Variants in STAT5B observed in about 807,000 individuals in gnomAD.
The protein encoded by STAT5B is transcription factor STAT5B.
Under a neutral mutation model 107.8 loss-of-function variants are expected in STAT5B, and 21 were observed. That is an observed-to-expected ratio of 0.19 (90% CI 0.14 to 0.28). The LOEUF (loss-of-function observed/expected upper bound fraction) is 0.28, where lower values mean the gene tolerates loss of function less well. Among genes scored for constraint, STAT5B ranks in the 10% least tolerant of loss-of-function variants. The pLI is 1.00. For synonymous variants in STAT5B, 325 were observed against 401.7 expected, an observed-to-expected ratio of 0.81 and a Z score of 2.28; for missense variants, 565 against 1,008.2, an observed-to-expected ratio of 0.56 and a Z score of 5.95.
chr17:42,279,755 C>T (rs1270297213), upstream of STAT5B, among the ~76,000 whole-genome samples: 1 of 150,920 alleles, frequency 6.6e-6, no homozygotes, highest in Non-Finnish European at 1.5e-5. Flanking sequence ...GAGCCAAAAT[C>T]ACACCATTGC....
At chr17:42,230,848 G>C (rs2080311925) in intron 2 of STAT5B, among the ~76,000 whole-genome samples, 1 of 152,036 alleles carries the variant, frequency 6.6e-6, no homozygotes, top group African/African-American at 2.4e-5. Flanking sequence ...TTTCAGTAGA[G>C]ATGGGATTTT....
intron 16 of STAT5B, among the ~76,000 whole-genome samples, chr17:42,203,578 A>C (rs2080062919): frequency 6.6e-6 from 1 of 152,166 alleles, no homozygotes; most frequent in Non-Finnish European, 1.5e-5. Flanking sequence ...AACTGCCAGG[A>C]AAAGAAATGA....
intron 13 of STAT5B, among the ~76,000 whole-genome samples, chr17:42,211,277 G>A (rs1263204585): frequency 6.6e-6 from 1 of 152,054 alleles, no homozygotes; most frequent in Non-Finnish European, 1.5e-5. Flanking sequence ...GGAGGCCGAG[G>A]CGGGCAGATC....
chr17:42,223,375 G>T lies in STAT5B; in HGVS notation c.550+7C>A, dbSNP rs771507023. On this transcript the variant is annotated splice_region_variant and intron_variant, in intron 5 of 18. Coordinates refer to ENST00000293328, the MANE Select transcript of STAT5B (RefSeq NM_012448.4). ...AAGTTGCACAATGTGCCTCCACCGC[G>T]CCTCACCTTGGATCCTCAGGCTCTC... 6.8e-5 allele frequency: 109 copies of T among 1,614,018 alleles called. No homozygotes were observed. Among genetic ancestry groups the T allele is most frequent in the Non-Finnish European group, 8.6e-5 (101 of 1,180,042 alleles).
At position 42,217,830 on chromosome 17, in the gene STAT5B, T is replaced by C. The variant is rs921914607; in HGVS notation, c.1169+321A>G. 21 of 437,952 alleles carry C rather than the reference T, an allele frequency of 4.8e-5. No homozygotes were observed. In the Admixed American group the frequency reaches 5.3e-4, roughly 11 times the overall value. The allele number at this position is 437,952 out of a possible 1,614,324, so 27.1% of individuals were successfully genotyped here. ...AGGGATTCTCCTGCCTCAGGCTCTC[T>C]AGTGGCTGGGATTACAGGTGCCTGC... On this transcript the variant is annotated intron_variant, in intron 9 of 18. Coordinates refer to ENST00000293328, the MANE Select transcript of STAT5B (RefSeq NM_012448.4).
intron 1 of STAT5B, among the ~76,000 whole-genome samples, chr17:42,258,026 C>T (rs1387092578): frequency 1.3e-5 from 2 of 152,130 alleles, no homozygotes; most frequent in Admixed American, 1.3e-4. Flanking sequence ...ACTTTGTGTC[C>T]GCTCTTTAAT....
intron 1 of STAT5B, among the ~76,000 whole-genome samples, chr17:42,266,568 A>G (rs1028845796): frequency 6.6e-6 from 1 of 151,034 alleles, no homozygotes; most frequent in Non-Finnish European, 1.5e-5. Context: ...AAAAAAAATC[A>G]TTCCCTTAAA....
the STAT5B span, among the ~76,000 whole-genome samples, chr17:42,284,827 A>G: frequency 6.6e-6 from 1 of 152,220 alleles, no homozygotes; most frequent in Admixed American, 6.5e-5. Context: ...TCCTGGTGCC[A>G]TCTGTGCACT....
rs371149930 is a variant in STAT5B at position 42,265,377 on chromosome 17, C to CTTTTT, written c.-11+10866_-11+10870dup. The stretch of plus-strand genomic sequence containing the variant: ...GCTAAGTCAAAGGGTATGTACTCTT[C>CTTTTT]TTTTTTTTTTTTGAGACGAAGTCTC... On this transcript the variant is annotated intron_variant, in intron 1 of 18. Coordinates refer to ENST00000293328, the MANE Select transcript of STAT5B (RefSeq NM_012448.4). Among the ~76,000 whole-genome samples, 52 of 110,600 alleles carry CTTTTT rather than the reference C, an allele frequency of 4.7e-4. 10 individuals carry two copies. In the South Asian group the frequency reaches 7.1e-3, roughly 15 times the overall value. The allele number at this position is 110,600 out of a possible 152,430, so 72.6% of individuals were successfully genotyped here. A position where few individuals can be genotyped will look rare whatever the true frequency, so the allele number is the denominator to read the frequency against.
intron 3 of STAT5B, among the ~76,000 whole-genome samples, chr17:42,225,815 C>T (rs1161596731): frequency 6.6e-6 from 1 of 152,132 alleles, no homozygotes; most frequent in Non-Finnish European, 1.5e-5. Context: ...TGGACATGGA[C>T]AGCCAACTAT....
At chr17:42,282,689 T>C in the STAT5B span, among the ~76,000 whole-genome samples, 1 of 152,260 alleles carries the variant, frequency 6.6e-6, no homozygotes. Flanking sequence ...GCTATTTCTT[T>C]ACAAGTGAGG....
chr17:42,248,854 T>A (rs2080474925), intron 1 of STAT5B, among the ~76,000 whole-genome samples: 1 of 152,256 alleles, frequency 6.6e-6, no homozygotes, highest in Non-Finnish European at 1.5e-5. Flanking sequence ...CTCCTGCTTC[T>A]GCAGCTAGTA....
intron 1 of STAT5B, among the ~76,000 whole-genome samples, chr17:42,261,480 A>C (rs2080596240): frequency 6.6e-6 from 1 of 152,246 alleles, no homozygotes; most frequent in Non-Finnish European, 1.5e-5. Context: ...AACTGGCTTA[A>C]AATAAAATTC....
At position 42,246,085 on chromosome 17, in the gene STAT5B, G is replaced by A. The variant is rs1012078624; in HGVS notation, c.-10-13948C>T. ...TAAACAGTTGTTACATTTAGGTGAA[G>A]GGGCTTTTTGGTACAATTTTTGTAA... On this transcript the variant is annotated intron_variant, in intron 1 of 18. Transcript: ENST00000293328. Among the ~76,000 whole-genome samples, 6 of 152,222 alleles carry A rather than the reference G, an allele frequency of 3.9e-5. No individual in the cohort carries two copies. The South Asian group carries it at 6.2e-4, about 16-fold the overall frequency.
rs926573130 is a variant in STAT5B, at chr17:42,265,204, T to G, written c.-11+11044A>C. ...GTTTCTTTTGCTGTGCAGAAGCTCT[T>G]TAGTCTAATTAGATCCCATTTGTCA... On this transcript the variant is annotated intron_variant, in intron 1 of 18. Coordinates refer to ENST00000293328, the MANE Select transcript of STAT5B (RefSeq NM_012448.4). Among the ~76,000 whole-genome samples the G allele has an allele frequency of 4.0e-4, 60 of 151,658 alleles. 1 individual carries two copies. The highest frequency in any genetic ancestry group is 8.8e-5 in the Non-Finnish European group (6 of 67,936).
chr17:42,224,820 T>A lies in STAT5B; in HGVS notation c.334A>T (p.Ile112Leu), dbSNP rs1190893544. ...ACCAACCTCTGTTCATTGTACAATA[T>A]ATGGCGGATGCAGCGGACCAGCTCC... is the stretch of plus-strand genomic sequence containing the variant. ...PMELVRCIRHILYNEQRLVRE... is the reference protein window; with the variant it reads ...PMELVRCIRHLLYNEQRLVRE... The change falls in exon 4 of 19, where the codon ATA becomes TTA. Residue 112 changes from isoleucine (I) to leucine (L), a missense_variant. Coordinates refer to ENST00000293328, the MANE Select transcript of STAT5B (RefSeq NM_012448.4). The A allele has an allele frequency of 1.2e-6, 2 of 1,613,668 alleles. No homozygotes were observed. The highest frequency in any genetic ancestry group is 2.7e-5 in the African/African-American group (2 of 74,866).
intron 1 of STAT5B, among the ~76,000 whole-genome samples, chr17:42,248,836 A>G (rs1243773431): frequency 1.3e-5 from 2 of 152,244 alleles, no homozygotes; most frequent in Admixed American, 1.3e-4. Flanking sequence ...AATTCTTGCC[A>G]ACTTCCCCTC....
chr17:42,214,636 T>C, intron 12 of STAT5B: 1 of 985,316 alleles, frequency 1.0e-6, no homozygotes, highest in South Asian at 4.7e-5. Flanking sequence ...AATCAAGGTT[T>C]GTTGGATATA....
In STAT5B at chr17:42,227,520, C is replaced by G; in HGVS notation, c.285+9G>C. The G allele has an allele frequency of 6.2e-7, 1 of 1,612,898 alleles. No individual in the cohort carries two copies. Among genetic ancestry groups the G allele is most frequent in the Non-Finnish European group, 8.5e-7 (1 of 1,179,826 alleles). ...GGTAATTAAGTGTGACCCCAGAGCC[C>G]ACACCCACCTGGAGCTGTGTGGCAT... On this transcript the variant is annotated intron_variant, in intron 3 of 18. Transcript: ENST00000293328.
Sources: allele counts gnomAD v4.1 joint callset (sites outside exome capture counted in the v4.1 genomes callset), GRCh38; gene constraint gnomAD v4.1.1; transcripts MANE v1.5; gene names NCBI Gene and HGNC (gene_info 2026-07-23, HGNC 2026-07-21).